Variants in NUP188 observed in about 807,000 individuals in gnomAD.
NUP188 encodes the protein nucleoporin NUP188.
Under a neutral mutation model 223.0 loss-of-function variants are expected in NUP188, and 97 were observed. That is an observed-to-expected ratio of 0.43 (90% CI 0.37 to 0.51). NUP188 has a LOEUF of 0.51. NUP188 is among the 20% of genes least tolerant of loss of function. NUP188 has a pLI of 0.00. For missense variants in NUP188, 1,947 were observed against 2,175.6 expected (o/e 0.89, Z 2.09); for synonymous variants, 869 against 828.0 (o/e 1.05, Z -0.85).
At chr9:128,968,404 C>T (rs1355423807) in intron 8 of NUP188, 102 bp from the exon 9 acceptor site, 1 of 852,306 alleles carries the variant, frequency 1.2e-6, no homozygotes, top group Non-Finnish European at 1.9e-6. Context: ...TGCACTGTAT[C>T]CTGGGTGACA....
intron 8 of NUP188, among the ~76,000 whole-genome samples, chr9:128,965,088 A>G (rs1044705130): frequency 3.9e-5 from 6 of 152,164 alleles, no homozygotes; most frequent in Non-Finnish European, 8.8e-5. Flanking sequence ...TAAATGTTTG[A>G]TAGAATTTAC....
At position 129,006,332 on chromosome 9, in the gene NUP188, C is replaced by A; in HGVS notation, c.5037C>A (p.Asp1679Glu). The A allele has an allele frequency of 6.2e-7, 1 of 1,614,184 alleles. No homozygotes were observed. Among genetic ancestry groups the A allele is most frequent in the Non-Finnish European group, 8.5e-7 (1 of 1,180,036 alleles). Reference sequence around the variant, plus strand: ...GGGACCCGGCTGTGCACCCCCGGGACAAACAGCGGATGAAGCAGGAGCTCA... The same window carrying A: ...GGGACCCGGCTGTGCACCCCCGGGAAAAACAGCGGATGAAGCAGGAGCTCA... ...YLRDPAVHPR[D>E]KQRMKQELSS... The change falls in exon 43 of 44, where the codon GAC (aspartate) becomes GAA (glutamate). Residue 1679 changes from aspartate to glutamate, a missense_variant. Asp to Glu is a conservative substitution (Grantham distance 45, BLOSUM62 2). Around this residue, in one of 3 missense-constraint regions of NUP188, gnomAD observed 905 missense variants for 990.6 expected, o/e 0.91. Coordinates refer to ENST00000372577, the MANE Select transcript of NUP188 (RefSeq NM_015354.3).
intron 21 of NUP188, 25 bp downstream of exon 21, chr9:128,986,703 A>C (rs201291055): frequency 5.6e-6 from 9 of 1,613,998 alleles, no homozygotes; most frequent in Non-Finnish European, 2.5e-6. Context: ...GGCAGGGAAG[A>C]CCTGGGGATT....
Position 128,979,269 on chromosome 9 carries a change from T to C in NUP188, c.1211T>C (p.Ile404Thr). 2.5e-6 allele frequency: 4 copies of C among 1,611,140 alleles called. No individual in the cohort carries two copies. The highest frequency in any genetic ancestry group is 3.4e-6 in the Non-Finnish European group (4 of 1,177,826). Reference protein sequence around the residue: ...LHTLGNQQDIIDTACEVLADP... With the variant: ...LHTLGNQQDITDTACEVLADP... ...CTTCCCTTCCTCAAACAGGATATAATTGATACAGCATGTGAAGTATTGGCC... is the reference window on the plus strand; with the variant it reads ...CTTCCCTTCCTCAAACAGGATATAACTGATACAGCATGTGAAGTATTGGCC... Residue 404 changes from isoleucine (I) to threonine (T), a missense_variant, in exon 13 of 44, where the codon ATT becomes ACT. Physicochemically the swap from Ile to Thr is moderately conservative, Grantham distance 89. Coordinates refer to ENST00000372577, the MANE Select transcript of NUP188 (RefSeq NM_015354.3).
intron 40 of NUP188, 56 bp from the exon 41 acceptor site, chr9:129,005,589 C>T (rs17455461): frequency 1.2e-5 from 20 of 1,610,758 alleles, no homozygotes; most frequent in South Asian, 2.2e-5. Flanking sequence ...TGCTGTGTAC[C>T]GAGAGCTACC....
In NUP188 at chr9:128,993,608, A is replaced by C. The variant is rs1251035554; in HGVS notation, c.2931A>C (p.Pro977=). The C allele has an allele frequency of 6.2e-7, 1 of 1,614,026 alleles. No individual in the cohort carries two copies. Among genetic ancestry groups the C allele is most frequent in the African/African-American group, 1.3e-5 (1 of 74,992 alleles). Residue 977 remains proline (P), a synonymous_variant, in exon 27 of 44, where the codon CCA becomes CCC. Coordinates refer to ENST00000372577, the MANE Select transcript of NUP188 (RefSeq NM_015354.3). ...DSQQQDRYWC[P]PLLHRAAIAF... The stretch of plus-strand genomic sequence containing the variant: ...AACAGCAAGATCGATACTGGTGCCC[A>C]CCCCTGCTGCATCGTGCCGCCATTG...
chr9:128,974,711 A>G (rs1842149340), intron 12 of NUP188, among the ~76,000 whole-genome samples: 1 of 151,700 alleles, frequency 6.6e-6, no homozygotes, highest in African/African-American at 2.4e-5. Flanking sequence ...ATCTACAGAC[A>G]TTTCAACAAA....
At chr9:128,986,708 G>A in intron 21 of NUP188, 30 bp downstream of exon 21, 1 of 1,613,992 alleles carries the variant, frequency 6.2e-7, no homozygotes, top group Non-Finnish European at 8.5e-7. Flanking sequence ...GGAAGACCTG[G>A]GGATTTCTGG....
At chr9:128,965,804 A>T (rs1269429788) in intron 8 of NUP188, among the ~76,000 whole-genome samples, 5 of 137,052 alleles carry the variant, frequency 3.6e-5, no homozygotes, top group African/African-American at 5.4e-5. Flanking sequence ...TCTGTTGTGT[A>T]TTTTTTTTTT....
intron 21 of NUP188, 23 bp from the exon 22 acceptor site, chr9:128,986,786 C>T: frequency 1.2e-6 from 2 of 1,613,994 alleles, no homozygotes; most frequent in Non-Finnish European, 1.7e-6. Context: ...CCACATCATT[C>T]CTCTGTCTTT....
chr9:128,992,769 A>G (rs923821827), intron 25 of NUP188, among the ~76,000 whole-genome samples: 1 of 152,194 alleles, frequency 6.6e-6, no homozygotes, highest in Non-Finnish European at 1.5e-5. Context: ...ACATTTGTTT[A>G]CAGTTCCAAA....
chr9:128,954,913 G>A (rs1841847939), intron 3 of NUP188, among the ~76,000 whole-genome samples: 1 of 151,628 alleles, frequency 6.6e-6, no homozygotes, highest in Non-Finnish European at 1.5e-5. Flanking sequence ...GCGTGCAATG[G>A]TGCGATTTCA....
In NUP188 at chr9:128,956,431, T is replaced by A; in HGVS notation, c.243T>A (p.Phe81Leu). The A allele has an allele frequency of 6.4e-7, 1 of 1,558,194 alleles. No individual in the cohort carries two copies. Residue 81 changes from phenylalanine (F) to leucine (L), a missense_variant, in exon 4 of 44, where the codon TTT becomes TTA. Transcript: ENST00000372577. ...AACTGGGTTTAAGAATCAGCAAGTT[T>A]TTGGTGAGTAAAAATTAGCACTCGC... ...LKELGLRISK[F>L]LGLDEEQSVQ...
chr9:128,977,888 A>G (rs1485087394), intron 12 of NUP188, among the ~76,000 whole-genome samples: 1 of 152,218 alleles, frequency 6.6e-6, no homozygotes, highest in Non-Finnish European at 1.5e-5. Context: ...TTTTGAATTT[A>G]CAGTCTACTT....
intron 8 of NUP188, among the ~76,000 whole-genome samples, chr9:128,961,589 T>TTAGATAGATAG (rs1455020145): frequency 8.4e-6 from 1 of 118,938 alleles, no homozygotes; most frequent in African/African-American, 4.8e-5. Context: ...TATCTATCTA[T>TTAGATAGATAG]CTAGATAGAT....
chr9:128,988,397 A>G (rs1279217378), intron 24 of NUP188, among the ~76,000 whole-genome samples: 1 of 152,210 alleles, frequency 6.6e-6, no homozygotes, highest in African/African-American at 2.4e-5. Flanking sequence ...ATGATAGAAT[A>G]ATAGTTAAGA....
chr9:128,981,540 A>G, intron 15 of NUP188, 150 bp downstream of exon 15: 1 of 759,778 alleles, frequency 1.3e-6, no homozygotes, highest in Non-Finnish European at 2.1e-6. Context: ...AGCCTCCCAA[A>G]GCACTGGGAT....
Position 129,005,718 on chromosome 9 carries a change from C to T in NUP188, c.4811C>T (p.Ala1604Val), listed in dbSNP as rs1217443224. The change falls in exon 41 of 44, where the codon GCC (alanine) becomes GTC (valine). Residue 1604 changes from alanine (A) to valine (V), a missense_variant. Physicochemically the swap from Ala to Val is moderately conservative, Grantham distance 64. Around this residue, in one of 3 missense-constraint regions of NUP188, gnomAD observed 905 missense variants for 990.6 expected, o/e 0.91. Transcript: ENST00000372577. ...FTTPTFDSEV[A>V]PSFGTLLATV... is the part of the protein sequence containing the mutation. ...ACTCCCACCTTTGACTCCGAAGTGG[C>T]CCCCTCCTTCGGGACCCTTCTGGCC... is the stretch of plus-strand genomic sequence containing the variant. 3 of 1,613,938 alleles carry T rather than the reference C, an allele frequency of 1.9e-6. No homozygotes were observed. Among genetic ancestry groups the T allele is most frequent in the Non-Finnish European group, 1.7e-6 (2 of 1,179,974 alleles).
chr9:129,004,970 G>T (rs1333888844), intron 38 of NUP188, 177 bp from the exon 39 acceptor site: 2 of 613,286 alleles, frequency 3.3e-6, no homozygotes, highest in Non-Finnish European at 5.9e-6. Flanking sequence ...GAAGGAGGGA[G>T]AGAAGGGGAG....
Sources: allele counts gnomAD v4.1 joint callset (sites outside exome capture counted in the v4.1 genomes callset), GRCh38; gene constraint gnomAD v4.1.1; regional missense constraint gnomAD v4.1.1; transcripts MANE v1.5; gene names NCBI Gene and HGNC (gene_info 2026-07-23, HGNC 2026-07-21).